The following ARMH3 variants were observed in gnomAD, a reference collection of about 807,000 sequenced individuals.
ARMH3 encodes the protein armadillo like helical domain containing 3.
In ARMH3, 60 loss-of-function variants were observed where a neutral mutation model predicts 99.1. The ratio of observed to expected loss-of-function variants is 0.61; its 90% confidence interval spans 0.49 to 0.75. The LOEUF (loss-of-function observed/expected upper bound fraction) is 0.75. Among genes scored for constraint, ARMH3 ranks in the 30% least tolerant of loss-of-function variants. ARMH3 has a pLI of 0.00. For synonymous variants in ARMH3, 285 were observed against 292.8 expected (o/e 0.97, Z 0.27); for missense variants, 679 against 843.1 (o/e 0.81, Z 2.41).
chr10:101,953,543 T>A (rs1414627480), intron 22 of ARMH3, among the ~76,000 whole-genome samples: 1 of 82,546 alleles, frequency 1.2e-5, no homozygotes, highest in East Asian at 9.0e-4. Flanking sequence ...GTGCCCAGCC[T>A]TTTTTTTTTT....
chr10:102,048,099 T>G (rs893722235), intron 1 of ARMH3, among the ~76,000 whole-genome samples: 4 of 152,146 alleles, frequency 2.6e-5, no homozygotes, highest in African/African-American at 9.7e-5. Flanking sequence ...AAACCAGACT[T>G]GGAAAAGGAA....
chr10:101,863,316 G>C (rs535598592), intron 24 of ARMH3, among the ~76,000 whole-genome samples: 71 of 152,272 alleles, frequency 4.7e-4, no homozygotes, highest in African/African-American at 1.5e-3. Flanking sequence ...GCAAAATTTT[G>C]TAATGATAAA....
At chr10:101,866,368 G>A (rs1194455444) in intron 24 of ARMH3, among the ~76,000 whole-genome samples, 2 of 151,972 alleles carry the variant, frequency 1.3e-5, no homozygotes, top group East Asian at 3.9e-4. Flanking sequence ...AAGCAGAGAA[G>A]AGTCAGAGCA....
chr10:101,998,460 T>C (rs1329423799), intron 15 of ARMH3, among the ~76,000 whole-genome samples: 2 of 152,214 alleles, frequency 1.3e-5, no homozygotes, highest in African/African-American at 2.4e-5. Context: ...ATCCCTGATA[T>C]AGCTCTCTCT....
At chr10:102,020,475 G>C (rs2066857529) in intron 8 of ARMH3, among the ~76,000 whole-genome samples, 1 of 152,028 alleles carries the variant, frequency 6.6e-6, no homozygotes, top group South Asian at 2.1e-4. Context: ...AGGAGATCGA[G>C]ACCATCCTGG....
At chr10:101,850,585 C>A (rs1465587368) in intron 24 of ARMH3, among the ~76,000 whole-genome samples, 1 of 151,664 alleles carries the variant, frequency 6.6e-6, no homozygotes, top group Non-Finnish European at 1.5e-5. Flanking sequence ...CCATCATGCC[C>A]GGCTAATTTT....
At chr10:101,856,177 T>C (rs1020412825) in intron 24 of ARMH3, among the ~76,000 whole-genome samples, 12 of 152,154 alleles carry the variant, frequency 7.9e-5, no homozygotes, top group Non-Finnish European at 1.8e-4. Flanking sequence ...CCCAGCTCCT[T>C]AGGGCTCCAG....
chr10:101,879,959 T>G (rs1467456077), intron 24 of ARMH3, among the ~76,000 whole-genome samples: 3 of 152,230 alleles, frequency 2.0e-5, no homozygotes, highest in Non-Finnish European at 4.4e-5. Flanking sequence ...CGTGTCTTTC[T>G]GGCAGTAGTG....
Position 102,010,097 on chromosome 10 carries a change from T to C in ARMH3, c.832-74A>G, listed in dbSNP as rs2066598863. On this transcript the variant is annotated intron_variant, in intron 11 of 25. Transcript: ENST00000370033. ...GGAGCTTTATGCCTAGGAAGCCTTT[T>C]ATCAGTGAAGAAAACAAGCTGCTTC... 4.2e-6 allele frequency: 6 copies of C among 1,434,100 alleles called. No homozygotes were observed. The Admixed American group carries it at 5.3e-5, about 13-fold the overall frequency. The allele number at this position is 1,434,100 out of a possible 1,614,324, so 88.8% of individuals were successfully genotyped here.
chr10:102,052,664 T>C (rs140831010), intron 1 of ARMH3, among the ~76,000 whole-genome samples: 87 of 152,334 alleles, frequency 5.7e-4, no homozygotes, highest in African/African-American at 2.0e-3. Context: ...AAAAAATTAC[T>C]AAATTACAGT....
intron 16 of ARMH3, among the ~76,000 whole-genome samples, chr10:101,995,000 C>A (rs1846987990): frequency 6.6e-6 from 1 of 152,202 alleles, no homozygotes; most frequent in Admixed American, 6.5e-5. Context: ...CATGCCACTG[C>A]ACTCCAGCCT....
intron 23 of ARMH3, among the ~76,000 whole-genome samples, chr10:101,892,789 G>A (rs1372549154): frequency 2.6e-5 from 4 of 152,048 alleles, no homozygotes; most frequent in African/African-American, 7.2e-5. Flanking sequence ...GAAAAGCAAC[G>A]CCAAACATCT....
At position 102,020,277 on chromosome 10, in the gene ARMH3, G is replaced by GT. The variant is rs2066850462; in HGVS notation, c.669+3199dup. 2.7e-5 allele frequency among the ~76,000 whole-genome samples: 4 copies of GT among 150,238 alleles called. No homozygotes were observed. In the South Asian group the frequency reaches 8.5e-4, roughly 32 times the overall value. ...TGGCCAGGCACGGTAGCTCACACCTGTAATCCCAGAACTTTGGGAGGCCAA... is the reference window on the plus strand; with the variant it reads ...TGGCCAGGCACGGTAGCTCACACCTGTTAATCCCAGAACTTTGGGAGGCCAA... On this transcript the variant is annotated intron_variant, in intron 8 of 25. Coordinates refer to ENST00000370033, the MANE Select transcript of ARMH3 (RefSeq NM_024541.3).
At chr10:102,033,693 C>T (rs2067187404) in intron 2 of ARMH3, among the ~76,000 whole-genome samples, 1 of 152,214 alleles carries the variant, frequency 6.6e-6, no homozygotes, top group South Asian at 2.1e-4. Context: ...GCTGGGATTA[C>T]AGGCGTGAGC....
At chr10:101,855,979 T>C (rs1293396668) in intron 24 of ARMH3, among the ~76,000 whole-genome samples, 1 of 152,046 alleles carries the variant, frequency 6.6e-6, no homozygotes, top group African/African-American at 2.4e-5. Flanking sequence ...CAGGCTGTGC[T>C]CAACCCAGTG....
intron 22 of ARMH3, among the ~76,000 whole-genome samples, chr10:101,943,941 G>A (rs1167518244): frequency 2.6e-5 from 4 of 151,304 alleles, no homozygotes; most frequent in African/African-American, 7.3e-5. Context: ...GCGGACACCT[G>A]TAGTCCCAGC....
intron 23 of ARMH3, among the ~76,000 whole-genome samples, chr10:101,928,618 A>G (rs1041224995): frequency 6.6e-6 from 1 of 152,192 alleles, no homozygotes; most frequent in African/African-American, 2.4e-5. Context: ...GCAATGAGCT[A>G]TGATTATGCC....
At chr10:101,894,677 T>C (rs2067775118) in intron 23 of ARMH3, among the ~76,000 whole-genome samples, 1 of 152,138 alleles carries the variant, frequency 6.6e-6, no homozygotes, top group Non-Finnish European at 1.5e-5. Flanking sequence ...TTTACTACCA[T>C]CTTTTCTGAA....
intron 15 of ARMH3, among the ~76,000 whole-genome samples, chr10:101,996,137 TTA>T (rs1439683603): frequency 6.6e-6 from 1 of 152,208 alleles, no homozygotes; most frequent in Non-Finnish European, 1.5e-5. Flanking sequence ...CCCATCAAGC[TTA>T]TGTTACTTTC....
Sources: gnomAD v4.1 joint callset for allele counts (sites outside exome capture counted in the v4.1 genomes callset) on GRCh38, gnomAD v4.1.1 for gene constraint, MANE v1.5 for transcripts, NCBI Gene and HGNC (gene_info 2026-07-23, HGNC 2026-07-21) for gene names.